ECPAS: variants seen among roughly 807,000 people sequenced by gnomAD.
ECPAS encodes Ecm29 proteasome adaptor and scaffold.
Under a neutral mutation model 255.1 loss-of-function variants are expected in ECPAS, and 70 were observed. The ratio of observed to expected loss-of-function variants is 0.27; its 90% CI spans 0.23 to 0.33. The LOEUF is 0.33. ECPAS is among the 10% of genes least tolerant of loss of function. The pLI is 1.00. For missense variants in ECPAS, 1,817 were observed against 2,206.4 expected (o/e 0.82, Z 3.54); for synonymous variants, 784 against 775.0 (o/e 1.01, Z -0.19).
chr9:111,366,822 A>C (rs1002012628), intron 46 of ECPAS, among the ~76,000 whole-genome samples, 195 bp from the exon 47 acceptor site: 1 of 152,204 alleles, frequency 6.6e-6, no homozygotes, highest in East Asian at 1.9e-4. Flanking sequence ...AAGCCATTGA[A>C]ATTTCCCCAA....
chr9:111,398,852 G>A (rs1589145138), intron 24 of ECPAS, among the ~76,000 whole-genome samples: 1 of 152,094 alleles, frequency 6.6e-6, no homozygotes, highest in Non-Finnish European at 1.5e-5. Flanking sequence ...CAGGAGAATC[G>A]CTTGAACTCA....
At chr9:111,462,458 G>A (rs1333815739) in intron 2 of ECPAS, among the ~76,000 whole-genome samples, 1 of 152,068 alleles carries the variant, frequency 6.6e-6, no homozygotes, top group African/African-American at 2.4e-5. Context: ...ACTAAAAACT[G>A]TCAGTATTCA....
At chr9:111,388,849 T>C (rs2098154799) in intron 31 of ECPAS, among the ~76,000 whole-genome samples, 1 of 152,030 alleles carries the variant, frequency 6.6e-6, no homozygotes, top group African/African-American at 2.4e-5. Flanking sequence ...GGCAAATAGG[T>C]AAACAGTGAG....
intron 13 of ECPAS, among the ~76,000 whole-genome samples, 172 bp downstream of exon 13, chr9:111,423,027 A>G (rs902779494): frequency 6.6e-6 from 1 of 152,228 alleles, no homozygotes; most frequent in African/African-American, 2.4e-5. Context: ...GTAAATTAAA[A>G]TGTCTCACAT....
chr9:111,372,304 T>C (rs993881705), intron 42 of ECPAS, 125 bp downstream of exon 42: 1 of 896,396 alleles, frequency 1.1e-6, no homozygotes, highest in South Asian at 1.6e-5. Flanking sequence ...GGTTTAAAAC[T>C]AAATGGGATG....
chr9:111,381,221 C>T (rs190901929), intron 35 of ECPAS, among the ~76,000 whole-genome samples: 6 of 152,222 alleles, frequency 3.9e-5, no homozygotes, highest in African/African-American at 1.4e-4. Flanking sequence ...AGACAGAGGG[C>T]ATTGTGGGGT....
chr9:111,470,456 A>C (rs1241888513), intron 2 of ECPAS, among the ~76,000 whole-genome samples: 2 of 152,018 alleles, frequency 1.3e-5, no homozygotes, highest in African/African-American at 4.8e-5. Flanking sequence ...GACTATAGGC[A>C]TGTGCCACGA....
chr9:111,410,953 C>A (rs776184832), intron 22 of ECPAS, 27 bp downstream of exon 22: 3 of 1,572,126 alleles, frequency 1.9e-6, no homozygotes, highest in South Asian at 2.4e-5. Context: ...ACTGCAACAC[C>A]CAAATCGACA....
intron 28 of ECPAS, among the ~76,000 whole-genome samples, chr9:111,392,132 C>T (rs1210732431): frequency 2.0e-5 from 3 of 151,862 alleles, no homozygotes; most frequent in Admixed American, 2.0e-4. Flanking sequence ...CCCAGCTACT[C>T]GGGAGGCTGA....
chr9:111,430,606 C>T lies in ECPAS; in HGVS notation c.871G>A (p.Ala291Thr), dbSNP rs1469196876. 22 of 1,595,484 alleles carry T rather than the reference C, an allele frequency of 1.4e-5. No individual in the cohort carries two copies. The highest frequency in any genetic ancestry group is 1.8e-5 in the Non-Finnish European group (21 of 1,169,468). Residue 291 changes from alanine (A) to threonine (T), a missense_variant, in exon 9 of 50, where the codon GCC becomes ACC. Ala to Thr is a moderately conservative substitution (Grantham distance 58). This residue lies in a region of ECPAS where 573 missense variants were observed against 716.2 expected (regional missense o/e 0.80). Transcript: ENST00000684092. The stretch of plus-strand genomic sequence containing the variant: ...ACCTTGTACATCTTATTAATGATGG[C>T]AGGATTATTCCAGTCAATTAAGCTA... The part of the protein sequence containing the change: ...KQSLIDWNNP[A>T]IINKMYKVYL...
chr9:111,393,003 A>C (rs2098162527), intron 27 of ECPAS, 121 bp from the exon 28 acceptor site: 4 of 624,556 alleles, frequency 6.4e-6, no homozygotes, highest in Admixed American at 3.0e-5. Flanking sequence ...TAAAGATATA[A>C]AAACAGAATC....
intron 24 of ECPAS, among the ~76,000 whole-genome samples, chr9:111,400,222 A>T (rs1219280754): frequency 1.3e-5 from 2 of 152,226 alleles, no homozygotes; most frequent in Admixed American, 6.5e-5. Flanking sequence ...TGCTGAAACA[A>T]CTGCAGTGAC....
At position 111,436,967 on chromosome 9, in the gene ECPAS, G is replaced by A. The variant is rs1296826668; in HGVS notation, c.681C>T (p.Asn227=). The part of the protein sequence containing the change: ...FYAAKRVIGD[N]PWTPEQLEQC... The stretch of plus-strand genomic sequence containing the variant: ...GTTCCAATTGTTCAGGTGTCCATGG[G>A]TTATCACCAATAACTCGTTTGGCTG... Residue 227 remains asparagine (N), a synonymous_variant, in exon 7 of 50, where the codon AAC becomes AAT. Coordinates refer to ENST00000684092, the MANE Select transcript of ECPAS (RefSeq NM_001364929.1). 3 of 1,611,506 alleles carry A rather than the reference G, an allele frequency of 1.9e-6. No individual in the cohort carries two copies. Among genetic ancestry groups the A allele is most frequent in the Non-Finnish European group, 2.5e-6 (3 of 1,179,004 alleles).
chr9:111,443,299 G>A (rs1048784344), intron 4 of ECPAS, among the ~76,000 whole-genome samples: 5 of 152,162 alleles, frequency 3.3e-5, no homozygotes, highest in Non-Finnish European at 7.3e-5. Flanking sequence ...CACCCAGGCT[G>A]GAGTGCAATG....
intron 36 of ECPAS, 97 bp downstream of exon 36, chr9:111,378,483 G>T (rs2098136180): frequency 3.1e-6 from 4 of 1,271,216 alleles, no homozygotes; most frequent in Non-Finnish European, 4.3e-6. Context: ...GGTGAGTTCT[G>T]GTAACAGTAG....
At chr9:111,477,275 A>T (rs953086689) in intron 1 of ECPAS, among the ~76,000 whole-genome samples, 1 of 149,148 alleles carries the variant, frequency 6.7e-6, no homozygotes, top group Admixed American at 6.7e-5. Context: ...CACCCGGCTA[A>T]TTTTTTTGTA....
At position 111,369,113 on chromosome 9, in the gene ECPAS, T is replaced by C; in HGVS notation, c.5035A>G (p.Lys1679Glu). The stretch of plus-strand genomic sequence containing the variant: ...AGCAGATATTCCAGCTGGAGCTCCT[T>C]TTCCTTTTCATTCTCCTCTTCATTT... The part of the protein sequence containing the change: ...TKNEEENEKE[K>E]ELQLEYLLGA... The change falls in exon 46 of 50, where the codon AAG (lysine) becomes GAG (glutamate). Residue 1679 changes from lysine to glutamate, a missense_variant. Transcript: ENST00000684092. 13 of 1,608,314 alleles carry C rather than the reference T, an allele frequency of 8.1e-6. No individual in the cohort carries two copies. Among genetic ancestry groups the C allele is most frequent in the Non-Finnish European group, 1.1e-5 (13 of 1,177,860 alleles).
At chr9:111,435,931 G>C (rs560279594) in intron 7 of ECPAS, among the ~76,000 whole-genome samples, 3 of 141,220 alleles carry the variant, frequency 2.1e-5, no homozygotes, top group African/African-American at 5.3e-5. Context: ...CTCATGATCC[G>C]CCCACTTTGG....
intron 13 of ECPAS, among the ~76,000 whole-genome samples, chr9:111,422,568 T>C (rs1328160967): frequency 6.6e-6 from 1 of 152,124 alleles, no homozygotes; most frequent in East Asian, 1.9e-4. Context: ...CTGCACTATA[T>C]CCACTGATCT....
Sources: gnomAD v4.1 joint callset for allele counts (sites outside exome capture counted in the v4.1 genomes callset) on GRCh38, gnomAD v4.1.1 for gene constraint, gnomAD v4.1.1 regional missense constraint, MANE v1.5 for transcripts, NCBI Gene and HGNC (gene_info 2026-07-23, HGNC 2026-07-21) for gene names.